BMP1: variants seen among roughly 807,000 people sequenced by gnomAD.
BMP1 encodes bone morphogenetic protein 1, also known as mammalian tolloid protein.
Under a neutral mutation model 116.8 loss-of-function variants are expected in BMP1, and 63 were observed. The observed-to-expected ratio is 0.54, with a 90% confidence interval of 0.44 to 0.67. BMP1 has a LOEUF of 0.67. BMP1 is among the 30% of genes least tolerant of loss of function. The pLI, the probability that BMP1 is intolerant of heterozygous loss-of-function variation, is 0.00. For synonymous variants in BMP1, 536 were observed against 533.4 expected, an observed-to-expected ratio of 1.00 and a Z score of -0.07; for missense variants, 1,183 against 1,358.9, an observed-to-expected ratio of 0.87 and a Z score of 2.04.
Position 22,173,725 on chromosome 8 carries a change from G to C in BMP1, c.262+10G>C, listed in dbSNP as rs1157353636. 1 of 1,600,614 alleles carries C rather than the reference G, an allele frequency of 6.2e-7. No homozygotes were observed. The highest frequency in any genetic ancestry group is 8.5e-7 in the Non-Finnish European group (1 of 1,171,276). ...TCCATCAAAGCTGCAGGTAAGCCGG[G>C]TGCCAATGGGCCCTCTGTGTCCTAG... On this transcript the variant is annotated intron_variant, in intron 2 of 19. Coordinates refer to ENST00000306385, the MANE Select transcript of BMP1 (RefSeq NM_006129.5).
At chr8:22,209,726 C>T (rs749030508) in intron 19 of BMP1, 31 bp downstream of exon 19, 1 of 1,603,424 alleles carries the variant, frequency 6.2e-7, no homozygotes, top group South Asian at 1.1e-5. Flanking sequence ...CCTCCTGGCC[C>T]CATGCCCCAC....
chr8:22,187,497 A>ATTTTTTTTTTTTTTT (rs768807192), intron 8 of BMP1, among the ~76,000 whole-genome samples: 6 of 104,418 alleles, frequency 5.7e-5, no homozygotes, highest in African/African-American at 8.5e-5. Flanking sequence ...CGCCCGGCTA[A>ATTTTTTTTTTTTTTT]TTTTTTTTTT....
intron 2 of BMP1, 123 bp downstream of exon 2, chr8:22,173,838 A>C (rs1188333428): frequency 1.6e-6 from 1 of 626,428 alleles, no homozygotes. Context: ...TGACCCCAGC[A>C]CATGGGTCTA....
intron 1 of BMP1, chr8:22,170,618 G>C (rs115200921): frequency 6.6e-6 from 1 of 152,208 alleles, no homozygotes; most frequent in African/African-American, 2.4e-5. Context: ...TGATGCCTGT[G>C]GGTTTGGGTG....
At chr8:22,203,778 A>G (rs113198426) in intron 16 of BMP1, among the ~76,000 whole-genome samples, 1 of 152,306 alleles carries the variant, frequency 6.6e-6, no homozygotes, top group African/African-American at 2.4e-5. Context: ...CTGTGACCTC[A>G]GGCTTCCCAA....
chr8:22,204,501 TTGCC>T (rs1367467780), intron 16 of BMP1, among the ~76,000 whole-genome samples: 1 of 152,168 alleles, frequency 6.6e-6, no homozygotes. Context: ...TGGGGGCAGA[TTGCC>T]TGAGCTCAGG....
At chr8:22,177,243 C>A in intron 5 of BMP1, 104 bp downstream of exon 5, 1 of 1,223,416 alleles carries the variant, frequency 8.2e-7, no homozygotes, top group Non-Finnish European at 1.1e-6. Context: ...CAGCCGTCAT[C>A]GCCTGGGCCC....
intron 1 of BMP1, among the ~76,000 whole-genome samples, chr8:22,166,045 G>A (rs1042374337): frequency 1.3e-5 from 2 of 151,952 alleles, no homozygotes; most frequent in Non-Finnish European, 2.9e-5. Context: ...AGTCTCCAAG[G>A]AGCAGGTCCC....
At chr8:22,190,403 C>T (rs1280150862) in intron 8 of BMP1, among the ~76,000 whole-genome samples, 3 of 152,046 alleles carry the variant, frequency 2.0e-5, no homozygotes, top group Non-Finnish European at 4.4e-5. Flanking sequence ...TGGGGGTGAC[C>T]GGCAGTGGCA....
chr8:22,181,718 AT>A (rs1264812310), intron 8 of BMP1, among the ~76,000 whole-genome samples: 2 of 151,576 alleles, frequency 1.3e-5, no homozygotes, highest in African/African-American at 2.4e-5. Context: ...ATGCCCGGCA[AT>A]TTTTTTTCTA....
At chr8:22,170,467 G>A (rs11784005) in intron 1 of BMP1, 38,580 of 152,176 alleles carry the variant, frequency 0.25, 5,550 homozygotes, top group Middle Eastern at 0.34. Flanking sequence ...GGAGAACACT[G>A]AGGCTTAGAA....
intron 1 of BMP1, chr8:22,169,912 G>A (rs1394834144): frequency 1.3e-5 from 2 of 152,170 alleles, no homozygotes; most frequent in Non-Finnish European, 2.9e-5. Context: ...TTTTTATCTT[G>A]TGTTGAAAAT....
intron 2 of BMP1, among the ~76,000 whole-genome samples, chr8:22,174,433 T>C (rs1828370843): frequency 6.6e-6 from 1 of 152,110 alleles, no homozygotes; most frequent in South Asian, 2.1e-4. Flanking sequence ...CATGTGGTAC[T>C]TGTGCATGGA....
At chr8:22,169,181 T>TGTG (rs1828203902) in intron 1 of BMP1, among the ~76,000 whole-genome samples, 1 of 121,676 alleles carries the variant, frequency 8.2e-6, no homozygotes. Context: ...AGCAAGACTC[T>TGTG]GTGAAAAAAA....
intron 1 of BMP1, 27 bp downstream of exon 1, chr8:22,165,580 C>T: frequency 6.5e-7 from 1 of 1,549,316 alleles, no homozygotes; most frequent in Non-Finnish European, 8.7e-7. Flanking sequence ...CCCCCGGCGA[C>T]GGGCCAGGCG....
chr8:22,177,253 C>T (rs1828473258), intron 5 of BMP1, 114 bp downstream of exon 5: 5 of 1,132,706 alleles, frequency 4.4e-6, no homozygotes, highest in Admixed American at 2.6e-5. Context: ...CGCCTGGGCC[C>T]GCAGCGCTGC....
At chr8:22,205,788 TAA>T (rs1181174677) in intron 16 of BMP1, among the ~76,000 whole-genome samples, 4 of 152,264 alleles carry the variant, frequency 2.6e-5, no homozygotes, top group African/African-American at 9.6e-5. Flanking sequence ...TTTTGTTTTT[TAA>T]TTTTAATAAA....
At chr8:22,178,965 G>GC (rs1828533313) in intron 6 of BMP1, among the ~76,000 whole-genome samples, 1 of 152,024 alleles carries the variant, frequency 6.6e-6, no homozygotes, top group Admixed American at 6.5e-5. Flanking sequence ...AGGTCATTCT[G>GC]CCCCCCACAC....
At chr8:22,181,940 G>A (rs1016423356) in intron 8 of BMP1, among the ~76,000 whole-genome samples, 6 of 152,190 alleles carry the variant, frequency 3.9e-5, no homozygotes, top group Non-Finnish European at 5.9e-5. Context: ...AGCAATGCAG[G>A]ATAACTCACT....
Sources: gnomAD v4.1 joint callset for allele counts (sites outside exome capture counted in the v4.1 genomes callset) on GRCh38, gnomAD v4.1.1 for gene constraint, MANE v1.5 for transcripts, NCBI Gene and HGNC (gene_info 2026-07-23, HGNC 2026-07-21) for gene names.